The following BCAM variants were observed in gnomAD, a reference collection of about 807,000 sequenced individuals.
BCAM encodes basal cell adhesion molecule.
In BCAM, 61 loss-of-function variants were observed where a neutral mutation model predicts 72.4. The observed-to-expected ratio is 0.84, with a 90% CI of 0.69 to 1.04. The LOEUF (loss-of-function observed/expected upper bound fraction) is 1.04, where lower values mean the gene tolerates loss of function less well. Ranked by LOEUF, BCAM falls within the 50% of genes least tolerant of loss-of-function variation. The pLI is 0.00. For synonymous variants in BCAM, 408 were observed against 384.2 expected (o/e 1.06, Z -0.73); for missense variants, 909 against 895.0 (o/e 1.02, Z -0.20).
At position 44,820,717 on chromosome 19, in the gene BCAM, G is replaced by T; in HGVS notation, c.1776G>T (p.Glu592Asp). The T allele has an allele frequency of 7.0e-7, 1 of 1,420,608 alleles. No homozygotes were observed. Among genetic ancestry groups the T allele is most frequent in the Non-Finnish European group, 9.2e-7 (1 of 1,081,412 alleles). 88.0% of individuals were successfully genotyped at this position (1,420,608 alleles called of 1,614,324 possible). Residue 592 changes from glutamate (E) to aspartate (D), a missense_variant, in exon 14 of 15, where the codon GAG becomes GAT. Transcript: ENST00000270233. ...CTCCTCCCCCCAGGCCGCCAGGGGA[G>T]CCAGGGCTGAGCCACTCGGGGTCGG... ...RREKGAPPPGEPGLSHSGSEQ... is the reference protein window; with the variant it reads ...RREKGAPPPGDPGLSHSGSEQ...
rs759514008 is a variant in BCAM, at chr19:44,813,580, C to T, written c.744C>T (p.His248=). 2.4e-5 allele frequency: 39 copies of T among 1,612,454 alleles called. No homozygotes were observed. The highest frequency in any genetic ancestry group is 6.7e-5 in the Admixed American group (4 of 59,986). The change falls in exon 6 of 15, where the codon CAC becomes CAT. Residue 248 remains histidine, a synonymous_variant. Transcript: ENST00000270233. The surrounding 1 kb of genome is among the most constrained non-coding windows in gnomAD (Gnocchi z 4.2). ...ACTACAGCCTGCCCGAGGGCCGCCA[C>T]GGCCGCCTGGACAGCCCCACCTTCC... The part of the protein sequence containing the change: ...AAHYSLPEGR[H]GRLDSPTFHL...
intron 1 of BCAM, among the ~76,000 whole-genome samples, chr19:44,810,374 C>T (rs1281603952): frequency 6.6e-5 from 10 of 152,066 alleles, no homozygotes; most frequent in African/African-American, 2.2e-4. Flanking sequence ...GCTCTGGCTC[C>T]AGGCCGGGCA....
chr19:44,814,193 A>T lies in BCAM; in HGVS notation c.826A>T (p.Thr276Ser). Residue 276 changes from threonine to serine, a missense_variant, in exon 7 of 15, where the codon ACC becomes TCC. Transcript: ENST00000270233. This position sits in a 1 kb window ranked among gnomAD's most constrained non-coding sequence, Gnocchi z 4.6. ...GCAGTTCTGGGTGGGCAGCCCGTCC[A>T]CCCCAGCAGGCTGGGTACGCGAGGG... ...HVQFWVGSPS[T>S]PAGWVREGDT... 1 of 1,577,622 alleles carries T rather than the reference A, an allele frequency of 6.3e-7. No individual in the cohort carries two copies. Among genetic ancestry groups the T allele is most frequent in the Non-Finnish European group, 8.6e-7 (1 of 1,168,564 alleles).
Position 44,819,036 on chromosome 19 carries a change from C to G in BCAM, c.1337-20C>G, listed in dbSNP as rs745681399. 1 of 1,612,376 alleles carries G rather than the reference C, an allele frequency of 6.2e-7. No homozygotes were observed. Among genetic ancestry groups the G allele is most frequent in the South Asian group, 1.1e-5 (1 of 91,010 alleles). On this transcript the variant is annotated intron_variant, in intron 10 of 14. Transcript: ENST00000270233. Reference sequence around the variant, plus strand: ...CTCTCTCCTCTCCCTTCACTTTCTTCCCATCCCCACCACCCACAGGCTCGC... The same window carrying G: ...CTCTCTCCTCTCCCTTCACTTTCTTGCCATCCCCACCACCCACAGGCTCGC...
chr19:44,820,985 C>T lies in BCAM; in HGVS notation c.*64C>T. On this transcript the variant is annotated 3_prime_UTR_variant, in exon 15 of 15. Coordinates refer to ENST00000270233, the MANE Select transcript of BCAM (RefSeq NM_005581.5). ...TGCAGGCATCAGAGAACCAGCCCTG[C>T]TCACGCCATGCCCGCCCCCGCCTTC... 6.7e-7 allele frequency: 1 copy of T among 1,493,260 alleles called. No homozygotes were observed. The highest frequency in any genetic ancestry group is 8.9e-7 in the Non-Finnish European group (1 of 1,120,348). The allele number at this position is 1,493,260 out of a possible 1,614,324, so 92.5% of individuals were successfully genotyped here.
At chr19:44,816,843 G>T (rs1357788238) in intron 8 of BCAM, among the ~76,000 whole-genome samples, 1 of 152,134 alleles carries the variant, frequency 6.6e-6, no homozygotes, top group Non-Finnish European at 1.5e-5. Flanking sequence ...GGAGACTGAG[G>T]CAGGAGAATC....
Position 44,813,039 on chromosome 19 carries a change from G to GGACC in BCAM, c.505-210_505-207dup, listed in dbSNP as rs1244150212. The GGACC allele has an allele frequency of 1.6e-4, 96 of 585,484 alleles. No homozygotes were observed. The highest frequency in any genetic ancestry group is 1.3e-3 in the Admixed American group (40 of 31,250). The allele number at this position is 585,484 out of a possible 1,614,324, so 36.3% of individuals were successfully genotyped here. On this transcript the variant is annotated intron_variant, in intron 4 of 14. Coordinates refer to ENST00000270233, the MANE Select transcript of BCAM (RefSeq NM_005581.5). The surrounding 1 kb of genome is among the most constrained non-coding windows in gnomAD (Gnocchi z 4.2). The stretch of plus-strand genomic sequence containing the variant: ...GTGTCCTAGGAAGGAGAGAGCTGGG[G>GGACC]GACCCAGAATCCTTGGTCCCTGGAG...
intron 13 of BCAM, chr19:44,820,166 T>G: frequency 3.2e-6 from 3 of 946,456 alleles, no homozygotes; most frequent in Non-Finnish European, 3.7e-6. Flanking sequence ...CACATCCCCA[T>G]CCTCCCCCAA....
At chr19:44,820,151 C>G in intron 13 of BCAM, 1 of 1,032,134 alleles carries the variant, frequency 9.7e-7, no homozygotes, top group Non-Finnish European at 1.2e-6. Context: ...CTCTCCAGCC[C>G]TGGCCACATC....
chr19:44,813,184 T>C lies in BCAM; in HGVS notation c.505-66T>C. On this transcript the variant is annotated intron_variant, in intron 4 of 14. Coordinates refer to ENST00000270233, the MANE Select transcript of BCAM (RefSeq NM_005581.5). This position sits in a 1 kb window ranked among gnomAD's most constrained non-coding sequence, Gnocchi z 4.2. ...CATGAGTCTGAGTGGGGAGAACTCC[T>C]GAGAGAGGAGCCCCGACTTCAGAGT... is the stretch of plus-strand genomic sequence containing the variant. 6.4e-7 allele frequency: 1 copy of C among 1,568,540 alleles called. No homozygotes were observed. Among genetic ancestry groups the C allele is most frequent in the Non-Finnish European group, 8.7e-7 (1 of 1,146,426 alleles).
rs1968527840 is a variant in BCAM, at chr19:44,818,294, AGT to A, written c.1079-227_1079-226del. On this transcript the variant is annotated intron_variant, in intron 8 of 14. Coordinates refer to ENST00000270233, the MANE Select transcript of BCAM (RefSeq NM_005581.5). The surrounding 1 kb of genome is among the most constrained non-coding windows in gnomAD (Gnocchi z 4.6). ...GGCTCAGATGTCAGCTCTGAAGAAA[AGT>A]AATTGACTTGGGCATGTCAATGTTG... 6.6e-6 allele frequency among the ~76,000 whole-genome samples: 1 copy of A among 152,172 alleles called. No individual in the cohort carries two copies. The highest frequency in any genetic ancestry group is 2.4e-5 in the African/African-American group (1 of 41,446).
chr19:44,819,866 C>T lies in BCAM; in HGVS notation c.1763+140C>T, dbSNP rs552399933. 3.8e-4 allele frequency: 538 copies of T among 1,421,866 alleles called. 7 individuals carry two copies. The South Asian group carries it at 7.7e-3, about 20-fold the overall frequency. 88.1% of individuals were successfully genotyped at this position (1,421,866 alleles called of 1,614,324 possible). ...CATCCACCTCCATCCCCAACCCATCCTCATCCCCAACTACAGCCCCAAACC... is the reference window on the plus strand; with the variant it reads ...CATCCACCTCCATCCCCAACCCATCTTCATCCCCAACTACAGCCCCAAACC... On this transcript the variant is annotated intron_variant, in intron 13 of 14. Coordinates refer to ENST00000270233, the MANE Select transcript of BCAM (RefSeq NM_005581.5).
intron 8 of BCAM, among the ~76,000 whole-genome samples, chr19:44,817,613 C>T (rs142931326): frequency 0.013 from 2,023 of 151,630 alleles, 41 homozygotes; most frequent in African/African-American, 0.046. Flanking sequence ...GGCACAATCT[C>T]GGCTCACTGC....
chr19:44,814,780 G>T lies in BCAM; in HGVS notation c.1078+20G>T. 6 of 1,595,682 alleles carry T rather than the reference G, an allele frequency of 3.8e-6. No homozygotes were observed. Among genetic ancestry groups the T allele is most frequent in the Non-Finnish European group, 5.1e-6 (6 of 1,170,346 alleles). ...TGGCCTGTGAGAGCCCTGGGTGAACGGGCGGGCAGGAGGGGCCCTGGCATC... is the reference window on the plus strand; with the variant it reads ...TGGCCTGTGAGAGCCCTGGGTGAACTGGCGGGCAGGAGGGGCCCTGGCATC... On this transcript the variant is annotated intron_variant, in intron 8 of 14. Coordinates refer to ENST00000270233, the MANE Select transcript of BCAM (RefSeq NM_005581.5). This position sits in a 1 kb window ranked among gnomAD's most constrained non-coding sequence, Gnocchi z 4.6.
Position 44,814,891 on chromosome 19 carries a change from TG to T in BCAM, c.1078+136del, listed in dbSNP as rs1342870988. On this transcript the variant is annotated intron_variant, in intron 8 of 14. Transcript: ENST00000270233. The surrounding 1 kb of genome is among the most constrained non-coding windows in gnomAD (Gnocchi z 4.6). The stretch of plus-strand genomic sequence containing the variant: ...CCTTCAACCCTTTCTCTGCATTTCT[TG>T]GGGGTTTTTTTGGTTGTTTTTTTTT... 2.3e-5 allele frequency: 24 copies of T among 1,031,870 alleles called. No homozygotes were observed. Among genetic ancestry groups the T allele is most frequent in the African/African-American group, 1.8e-4 (11 of 60,448 alleles). 63.9% of individuals were successfully genotyped at this position (1,031,870 alleles called of 1,614,324 possible). A position where few individuals can be genotyped will look rare whatever the true frequency, so the allele number is the denominator to read the frequency against.
At chr19:44,816,172 TG>T (rs1226850394) in intron 8 of BCAM, among the ~76,000 whole-genome samples, 1 of 151,896 alleles carries the variant, frequency 6.6e-6, no homozygotes, top group Admixed American at 6.6e-5. Flanking sequence ...TAGCCGGGTG[TG>T]GTGGCATGCA....
In BCAM at chr19:44,818,928, G is replaced by A. The variant is rs1455419201; in HGVS notation, c.1336+46G>A. On this transcript the variant is annotated intron_variant, in intron 10 of 14. Transcript: ENST00000270233. This position sits in a 1 kb window ranked among gnomAD's most constrained non-coding sequence, Gnocchi z 4.6. ...GTGGGCTTGGATGGGGACAGTGTGG[G>A]GTGTGGGACCTGGACAAACAGGACG... 2 of 1,605,248 alleles carry A rather than the reference G, an allele frequency of 1.2e-6. No homozygotes were observed. The highest frequency in any genetic ancestry group is 8.5e-7 in the Non-Finnish European group (1 of 1,175,654).
chr19:44,819,446 C>A lies in BCAM; in HGVS notation c.1574C>A (p.Ser525Tyr). The A allele has an allele frequency of 6.2e-7, 1 of 1,614,054 alleles. No individual in the cohort carries two copies. The highest frequency in any genetic ancestry group is 8.5e-7 in the Non-Finnish European group (1 of 1,179,946). ...CGCGATGGCATCTCCTGTGAAGCCTCCAACCCCCACGGGAACAAGCGCCAT... is the reference window on the plus strand; with the variant it reads ...CGCGATGGCATCTCCTGTGAAGCCTACAACCCCCACGGGAACAAGCGCCAT... ...LSRDGISCEASNPHGNKRHVF... is the reference protein window; with the variant it reads ...LSRDGISCEAYNPHGNKRHVF... The change falls in exon 12 of 15, where the codon TCC becomes TAC. Residue 525 changes from serine (S) to tyrosine (Y), a missense_variant. Transcript: ENST00000270233.
chr19:44,810,482 C>T (rs1306191992), intron 1 of BCAM, among the ~76,000 whole-genome samples: 1 of 152,114 alleles, frequency 6.6e-6, no homozygotes, highest in African/African-American at 2.4e-5. Context: ...GCTCCGGGCC[C>T]AGCCGCAGCC....
Sources: allele counts gnomAD v4.1 joint callset (sites outside exome capture counted in the v4.1 genomes callset), GRCh38; gene constraint gnomAD v4.1.1; non-coding constraint Gnocchi (gnomAD v3.1); transcripts MANE v1.5; gene names NCBI Gene and HGNC (gene_info 2026-07-23, HGNC 2026-07-21).